ELAVL2: variants seen among roughly 807,000 people sequenced by gnomAD.
ELAVL2 encodes ELAV-like protein 2.
Under a neutral mutation model 34.6 loss-of-function variants are expected in ELAVL2, and 4 were observed. That is an observed-to-expected ratio of 0.12 (90% CI 0.06 to 0.26). ELAVL2 has a LOEUF of 0.26. Among genes scored for constraint, ELAVL2 ranks in the 10% least tolerant of loss-of-function variants. The pLI is 1.00. For synonymous variants in ELAVL2, 193 were observed against 154.8 expected (o/e 1.25, Z -1.83); for missense variants, 432 against 442.8 (o/e 0.98, Z 0.22).
intron 3 of ELAVL2, among the ~76,000 whole-genome samples, chr9:23,725,493 G>A (rs1319758057): frequency 6.6e-6 from 1 of 152,124 alleles, no homozygotes; most frequent in Admixed American, 6.6e-5. Flanking sequence ...AGCCCTTAGC[G>A]TAGCTTTACT....
At chr9:23,804,749 C>T (rs1297508840) in intron 1 of ELAVL2, among the ~76,000 whole-genome samples, 9 of 152,114 alleles carry the variant, frequency 5.9e-5, no homozygotes, top group Non-Finnish European at 1.3e-4. Flanking sequence ...AATAATGCAG[C>T]AGTGTAGAGA....
chr9:23,760,032 C>T (rs548301558), intron 2 of ELAVL2, among the ~76,000 whole-genome samples: 10 of 151,474 alleles, frequency 6.6e-5, no homozygotes, highest in African/African-American at 2.4e-4. Context: ...TTAAAGAATA[C>T]CCATGTGTTG....
At chr9:23,698,117 G>C (rs1430243886) in intron 5 of ELAVL2, among the ~76,000 whole-genome samples, 3 of 151,994 alleles carry the variant, frequency 2.0e-5, no homozygotes, top group Non-Finnish European at 2.9e-5. Flanking sequence ...ATGCATAAAG[G>C]CTCATAGAAG....
chr9:23,707,089 A>G (rs1197171213), intron 3 of ELAVL2, among the ~76,000 whole-genome samples: 1 of 152,212 alleles, frequency 6.6e-6, no homozygotes, highest in Non-Finnish European at 1.5e-5. Context: ...AACATACATA[A>G]CTATTCATAC....
intron 2 of ELAVL2, among the ~76,000 whole-genome samples, chr9:23,759,707 T>C (rs537024055): frequency 2.1e-4 from 31 of 144,764 alleles, no homozygotes; most frequent in African/African-American, 7.3e-4. Flanking sequence ...ATATACTATA[T>C]ATAGTAGTGT....
the ELAVL2 span, among the ~76,000 whole-genome samples, chr9:23,842,922 G>A: frequency 6.6e-6 from 1 of 152,074 alleles, no homozygotes. Flanking sequence ...TGGCTTCAAT[G>A]AACTGTACTT....
the ELAVL2 span, chr9:23,832,261 A>C: frequency 6.6e-6 from 1 of 152,164 alleles, no homozygotes; most frequent in Admixed American, 6.5e-5. Flanking sequence ...AAGAATCTAC[A>C]TAGCTACTTA....
chr9:23,812,534 G>T (rs867313374), intron 1 of ELAVL2, among the ~76,000 whole-genome samples: 2 of 151,958 alleles, frequency 1.3e-5, no homozygotes, highest in African/African-American at 2.4e-5. Flanking sequence ...CTGAGGTGCC[G>T]CAATGAGATG....
At chr9:23,759,754 T>TTATACA (rs2054466402) in intron 2 of ELAVL2, among the ~76,000 whole-genome samples, 1 of 81,344 alleles carries the variant, frequency 1.2e-5, no homozygotes, top group African/African-American at 4.3e-5. Flanking sequence ...ATATATAGTA[T>TTATACA]TATATATATA....
chr9:23,794,796 G>C (rs1326308132), intron 1 of ELAVL2, among the ~76,000 whole-genome samples: 2 of 152,106 alleles, frequency 1.3e-5, no homozygotes, highest in African/African-American at 4.8e-5. Flanking sequence ...AAGATTTCCT[G>C]ACCAATGGAA....
chr9:23,791,482 G>A (rs376724477), intron 1 of ELAVL2, among the ~76,000 whole-genome samples: 5 of 152,220 alleles, frequency 3.3e-5, no homozygotes, highest in African/African-American at 1.2e-4. Context: ...GTGTAGTTCA[G>A]TAGTTTCAGT....
At chr9:23,745,354 T>TTA (rs987608917) in intron 2 of ELAVL2, among the ~76,000 whole-genome samples, 59 of 152,198 alleles carry the variant, frequency 3.9e-4, no homozygotes, top group African/African-American at 1.4e-3. Flanking sequence ...TAACCTGGTA[T>TTA]TATCTTGGCC....
At chr9:23,778,949 T>C (rs1181412941) in intron 1 of ELAVL2, among the ~76,000 whole-genome samples, 1 of 152,188 alleles carries the variant, frequency 6.6e-6, no homozygotes, top group East Asian at 1.9e-4. Flanking sequence ...TCCTGTCCCT[T>C]CTGGGGGCTG....
At chr9:23,698,662 T>C (rs1311298174) in intron 5 of ELAVL2, among the ~76,000 whole-genome samples, 2 of 151,588 alleles carry the variant, frequency 1.3e-5, no homozygotes, top group African/African-American at 2.4e-5. Context: ...ATCTGTGTGA[T>C]GATTTAGACT....
At chr9:23,816,135 G>C (rs1342988070) in intron 1 of ELAVL2, among the ~76,000 whole-genome samples, 4 of 151,826 alleles carry the variant, frequency 2.6e-5, no homozygotes, top group African/African-American at 9.7e-5. Context: ...TCTAGGAAGA[G>C]ACAGCTACAG....
At chr9:23,768,835 G>C (rs1392470851) in intron 1 of ELAVL2, among the ~76,000 whole-genome samples, 1 of 152,150 alleles carries the variant, frequency 6.6e-6, no homozygotes, top group Admixed American at 6.5e-5. Context: ...AAATTAAACA[G>C]ATCTTGAAGA....
At chr9:23,746,859 T>TA (rs917638198) in intron 2 of ELAVL2, among the ~76,000 whole-genome samples, 3 of 146,818 alleles carry the variant, frequency 2.0e-5, no homozygotes, top group African/African-American at 7.5e-5. Flanking sequence ...TCTGTTCAAA[T>TA]AAATGACTGC....
At chr9:23,727,264 C>G (rs1302862422) in intron 3 of ELAVL2, among the ~76,000 whole-genome samples, 1 of 151,964 alleles carries the variant, frequency 6.6e-6, no homozygotes, top group African/African-American at 2.4e-5. Flanking sequence ...ACAAGTATCT[C>G]GAGACTTTAA....
chr9:23,772,437 G>A (rs1391113363), intron 1 of ELAVL2, among the ~76,000 whole-genome samples: 1 of 151,018 alleles, frequency 6.6e-6, no homozygotes. Context: ...CACTCCTCCT[G>A]GCCAGTGAGG....
Sources: gnomAD v4.1 joint callset for allele counts (sites outside exome capture counted in the v4.1 genomes callset) on GRCh38, gnomAD v4.1.1 for gene constraint, MANE v1.5 for transcripts, NCBI Gene and HGNC (gene_info 2026-07-23, HGNC 2026-07-21) for gene names.